The following RBFOX1 variants were observed in gnomAD, a reference collection of about 807,000 sequenced individuals.
RBFOX1 encodes RNA binding protein fox-1 homolog 1.
RBFOX1 carries 8 observed loss-of-function variants against 57.7 expected under a neutral mutation model. That is an observed-to-expected ratio of 0.14 (90% CI 0.08 to 0.25). The LOEUF (loss-of-function observed/expected upper bound fraction) is 0.25. Ranked by LOEUF, RBFOX1 falls within the 10% of genes least tolerant of loss-of-function variation. The probability of loss-of-function intolerance (pLI) is 1.00; values close to 1 mark genes in which losing one functional copy is unlikely to be tolerated. For missense variants in RBFOX1, 611 were observed against 548.5 expected, an observed-to-expected ratio of 1.11 and a Z score of -1.14; for synonymous variants, 326 against 222.4, an observed-to-expected ratio of 1.47 and a Z score of -4.15.
At chr16:6,581,338 C>A (rs1389581848) in intron 2 of RBFOX1, among the ~76,000 whole-genome samples, 2 of 152,200 alleles carry the variant, frequency 1.3e-5, no homozygotes, top group African/African-American at 4.8e-5. Flanking sequence ...AGCACCCTTG[C>A]CTTCCTCTTT....
At chr16:7,109,582 T>A (rs563737056) in intron 4 of RBFOX1, among the ~76,000 whole-genome samples, 1 of 152,108 alleles carries the variant, frequency 6.6e-6, no homozygotes, top group African/African-American at 2.4e-5. Context: ...GATGGTAGAA[T>A]TTTGCACAAC....
At chr16:6,353,004 A>G (rs2086671730) in intron 2 of RBFOX1, among the ~76,000 whole-genome samples, 1 of 152,132 alleles carries the variant, frequency 6.6e-6, no homozygotes, top group Non-Finnish European at 1.5e-5. Flanking sequence ...GTGGGAAGTC[A>G]GGTGAATAAG....
intron 1 of RBFOX1, among the ~76,000 whole-genome samples, chr16:5,394,372 T>C (rs947300634): frequency 2.0e-5 from 3 of 152,202 alleles, no homozygotes; most frequent in African/African-American, 7.2e-5. Flanking sequence ...CAGCTCACAT[T>C]GCTCTATTCC....
intron 4 of RBFOX1, among the ~76,000 whole-genome samples, chr16:7,199,240 C>T (rs966524199): frequency 6.6e-6 from 1 of 152,168 alleles, no homozygotes; most frequent in African/African-American, 2.4e-5. Flanking sequence ...GAGCTTAAAC[C>T]AGACAAGATT....
At chr16:6,979,727 A>G (rs1229141174) in intron 3 of RBFOX1, among the ~76,000 whole-genome samples, 1 of 152,220 alleles carries the variant, frequency 6.6e-6, no homozygotes, top group Non-Finnish European at 1.5e-5. Flanking sequence ...GAAGGCTGTG[A>G]TCATTCCTCC....
chr16:6,858,109 T>C lies in RBFOX1; in HGVS notation c.-15-193948T>C, dbSNP rs77720619. Reference sequence around the variant, plus strand: ...TTTCTCTAACTAGAAATTGGAGTTATTAAATACAGTTATTAAAATACAGTT... The same window carrying C: ...TTTCTCTAACTAGAAATTGGAGTTACTAAATACAGTTATTAAAATACAGTT... On this transcript the variant is annotated intron_variant, in intron 3 of 15. Transcript: ENST00000550418. 8.3e-3 allele frequency among the ~76,000 whole-genome samples: 1,258 copies of C among 152,316 alleles called. 55 individuals are homozygous for C. The East Asian group carries it at 0.1, about 12-fold the overall frequency.
At chr16:5,373,611 T>C (rs558969575) in intron 1 of RBFOX1, among the ~76,000 whole-genome samples, 12 of 152,166 alleles carry the variant, frequency 7.9e-5, no homozygotes, top group Middle Eastern at 6.8e-3. Flanking sequence ...CTTTTCTTTT[T>C]TTTTTTGTTT....
intron 2 of RBFOX1, among the ~76,000 whole-genome samples, chr16:6,502,539 C>T (rs1243603673): frequency 2.0e-5 from 3 of 152,182 alleles, no homozygotes; most frequent in Non-Finnish European, 4.4e-5. Context: ...AACACCTTAG[C>T]ATAGTACCTA....
chr16:6,132,615 C>A (rs1175452279), intron 1 of RBFOX1, among the ~76,000 whole-genome samples: 1 of 152,116 alleles, frequency 6.6e-6, no homozygotes, highest in Non-Finnish European at 1.5e-5. Context: ...AGTAAAAAGG[C>A]ACCATTTCAA....
At chr16:7,435,031 T>A (rs1007213698) in intron 4 of RBFOX1, among the ~76,000 whole-genome samples, 1 of 152,216 alleles carries the variant, frequency 6.6e-6, no homozygotes, top group African/African-American at 2.4e-5. Flanking sequence ...TTTGCATTTA[T>A]CATATTTTAC....
At chr16:6,912,828 C>G (rs1028312750) in intron 3 of RBFOX1, among the ~76,000 whole-genome samples, 1 of 151,998 alleles carries the variant, frequency 6.6e-6, no homozygotes, top group Admixed American at 6.6e-5. Context: ...CTGTGTTGCC[C>G]AGGCTAGACT....
At chr16:6,262,708 G>T (rs1391151593) in intron 1 of RBFOX1, among the ~76,000 whole-genome samples, 4 of 152,132 alleles carry the variant, frequency 2.6e-5, no homozygotes. Flanking sequence ...AGTTTAGGTG[G>T]GAAGAATAGG....
chr16:6,534,555 A>T (rs183745329), intron 2 of RBFOX1, among the ~76,000 whole-genome samples: 1 of 152,300 alleles, frequency 6.6e-6, no homozygotes, highest in East Asian at 1.9e-4. Context: ...AGCAGAGGTG[A>T]TACAGGAGCA....
At chr16:7,380,894 C>CT (rs1392956284) in intron 4 of RBFOX1, among the ~76,000 whole-genome samples, 1 of 152,140 alleles carries the variant, frequency 6.6e-6, no homozygotes, top group Admixed American at 6.5e-5. Context: ...GAATCGCAGG[C>CT]TTTTTAAATG....
intron 2 of RBFOX1, among the ~76,000 whole-genome samples, chr16:5,558,678 C>G (rs978052794): frequency 6.6e-6 from 1 of 152,184 alleles, no homozygotes; most frequent in Non-Finnish European, 1.5e-5. Context: ...CTGCCATCGT[C>G]TCAGTCTTGT....
intron 3 of RBFOX1, among the ~76,000 whole-genome samples, chr16:5,859,663 C>T (rs1469062966): frequency 6.6e-6 from 1 of 152,156 alleles, no homozygotes; most frequent in Non-Finnish European, 1.5e-5. Flanking sequence ...CTACCATTGG[C>T]CAGCAACCAT....
At chr16:7,044,120 A>G (rs969236917) in intron 3 of RBFOX1, among the ~76,000 whole-genome samples, 2 of 152,000 alleles carry the variant, frequency 1.3e-5, no homozygotes, top group Admixed American at 6.6e-5. Flanking sequence ...TATTCCTGGC[A>G]CTTAGGACAG....
At chr16:6,770,964 C>T (rs1349707419) in intron 3 of RBFOX1, among the ~76,000 whole-genome samples, 1 of 152,158 alleles carries the variant, frequency 6.6e-6, no homozygotes, top group Admixed American at 6.5e-5. Flanking sequence ...ACCCCCGATT[C>T]AAATGCTCAA....
intron 2 of RBFOX1, among the ~76,000 whole-genome samples, chr16:6,645,322 G>A (rs1197985301): frequency 2.0e-5 from 3 of 152,078 alleles, no homozygotes; most frequent in Non-Finnish European, 4.4e-5. Flanking sequence ...ATATCTTTTG[G>A]GGGGCTGCTG....
Sources: gnomAD v4.1 joint callset for allele counts (sites outside exome capture counted in the v4.1 genomes callset) on GRCh38, gnomAD v4.1.1 for gene constraint, MANE v1.5 for transcripts, NCBI Gene and HGNC (gene_info 2026-07-23, HGNC 2026-07-21) for gene names.